Variants in RBFOX3 observed in about 807,000 individuals in gnomAD.
The protein encoded by RBFOX3 is RNA binding protein fox-1 homolog 3.
In RBFOX3, 17 loss-of-function variants were observed where a neutral mutation model predicts 48.7. That is an observed-to-expected ratio of 0.35 (90% confidence interval 0.24 to 0.52). RBFOX3 has a LOEUF of 0.52. RBFOX3 is among the 20% of genes least tolerant of loss of function. The pLI is 0.94. For synonymous variants in RBFOX3, 212 were observed against 209.5 expected, an observed-to-expected ratio of 1.01 and a Z score of -0.10; for missense variants, 382 against 497.5, an observed-to-expected ratio of 0.77 and a Z score of 2.21.
intron 4 of RBFOX3, among the ~76,000 whole-genome samples, chr17:79,139,224 CACAA>C (rs1349883929): frequency 6.6e-6 from 1 of 152,120 alleles, no homozygotes; most frequent in Non-Finnish European, 1.5e-5. Flanking sequence ...GCACCCTCCC[CACAA>C]ACACAGGGCC....
chr17:79,628,383 T>A, the RBFOX3 span, among the ~76,000 whole-genome samples: 1 of 152,132 alleles, frequency 6.6e-6, no homozygotes, highest in East Asian at 1.9e-4. Flanking sequence ...AGTTCTGATC[T>A]GAGATCTTAG....
rs2061278830 is a variant in RBFOX3 at position 79,390,699 on chromosome 17, A to G, written c.-174-82875T>C. Among the ~76,000 whole-genome samples the G allele has an allele frequency of 6.6e-6, 1 of 151,800 alleles. No homozygotes were observed. Among genetic ancestry groups the G allele is most frequent in the African/African-American group, 2.4e-5 (1 of 41,292 alleles). On this transcript the variant is annotated intron_variant, in intron 2 of 14. Transcript: ENST00000693108. This position sits in a 1 kb window ranked among gnomAD's most constrained non-coding sequence, Gnocchi z 4.2. The stretch of plus-strand genomic sequence containing the variant: ...GCCATGTTGGCCAGGCTGGTCTCGA[A>G]CTCCTTATCTCAGACAATCTGCCCG...
At chr17:79,589,052 T>C (rs1037214422) in intron 1 of RBFOX3, among the ~76,000 whole-genome samples, 25 of 151,972 alleles carry the variant, frequency 1.6e-4, no homozygotes, top group African/African-American at 5.5e-4. Context: ...CTGGGCCATA[T>C]AGTGAGACCC....
chr17:79,525,605 C>G lies in RBFOX3; in HGVS notation c.-319-43007G>C, dbSNP rs993918033. ...TCTGTAAAGTTTCTATAATCACATA[C>G]GTGTAATCAAATCAAAGCTATTAGG... On this transcript the variant is annotated intron_variant, in intron 1 of 14. Coordinates refer to ENST00000693108, the MANE Select transcript of RBFOX3 (RefSeq NM_001350451.2). Among the ~76,000 whole-genome samples, 70 of 152,292 alleles carry G rather than the reference C, an allele frequency of 4.6e-4. 1 individual carries two copies. In the Middle Eastern group the frequency reaches 0.01, roughly 22 times the overall value.
intron 2 of RBFOX3, among the ~76,000 whole-genome samples, chr17:79,467,709 C>T (rs1043683306): frequency 2.6e-5 from 4 of 152,186 alleles, no homozygotes; most frequent in Non-Finnish European, 5.9e-5. Flanking sequence ...ACGTGTGCCC[C>T]ACCTGCCTCC....
At chr17:79,625,518 T>C in the RBFOX3 span, among the ~76,000 whole-genome samples, 1 of 152,172 alleles carries the variant, frequency 6.6e-6, no homozygotes, top group Non-Finnish European at 1.5e-5. Context: ...GGGCCAGGCG[T>C]GGTGGCTCAC....
chr17:79,611,890 G>A (rs1299360206), upstream of RBFOX3, among the ~76,000 whole-genome samples: 1 of 152,194 alleles, frequency 6.6e-6, no homozygotes, highest in African/African-American at 2.4e-5. Flanking sequence ...GGTCAGCTTA[G>A]GATTTCCCTA....
At chr17:79,510,674 G>A (rs1555780676) in intron 1 of RBFOX3, among the ~76,000 whole-genome samples, 1 of 152,220 alleles carries the variant, frequency 6.6e-6, no homozygotes, top group African/African-American at 2.4e-5. Flanking sequence ...AACCACCAGT[G>A]CATCTTAAAC....
intron 4 of RBFOX3, among the ~76,000 whole-genome samples, chr17:79,190,408 T>A (rs1271460888): frequency 1.8e-5 from 1 of 56,728 alleles, no homozygotes; most frequent in African/African-American, 5.0e-5. Flanking sequence ...TAAATCTCTG[T>A]CTCACCAAAA....
chr17:79,092,221 C>T, intron 14 of RBFOX3: 1 of 985,506 alleles, frequency 1.0e-6, no homozygotes, highest in Non-Finnish European at 1.2e-6. Flanking sequence ...TGGCTCTTGC[C>T]CTCATAGGGC....
chr17:79,453,191 C>T (rs920872404), intron 2 of RBFOX3, among the ~76,000 whole-genome samples: 5 of 152,248 alleles, frequency 3.3e-5, no homozygotes, highest in Admixed American at 3.3e-4. Context: ...TATGCCGGAG[C>T]TGAAGAGTGC....
intron 4 of RBFOX3, among the ~76,000 whole-genome samples, chr17:79,152,657 G>T (rs962201315): frequency 5.3e-5 from 8 of 152,196 alleles, no homozygotes; most frequent in African/African-American, 1.9e-4. Context: ...CGGAAAAGGG[G>T]AAAGAGAGGG....
rs2046885819 is a variant in RBFOX3 at position 79,161,066 on chromosome 17, T to C, written c.-33-45318A>G. On this transcript the variant is annotated intron_variant, in intron 4 of 14. Coordinates refer to ENST00000693108, the MANE Select transcript of RBFOX3 (RefSeq NM_001350451.2). ...CACCCAGGCAAGGAAGATGTCTATC[T>C]GGTTTTTGCCCACCAGGAATTTGGA... Among the ~76,000 whole-genome samples the C allele has an allele frequency of 4.6e-5, 7 of 152,042 alleles. No homozygotes were observed. In the South Asian group the frequency reaches 1.4e-3, roughly 31 times the overall value.
intron 3 of RBFOX3, among the ~76,000 whole-genome samples, chr17:79,280,002 G>A (rs1383270998): frequency 6.6e-6 from 1 of 152,104 alleles, no homozygotes; most frequent in Admixed American, 6.5e-5. Flanking sequence ...GTAATGGGTA[G>A]TCCAGAGGAA....
intron 4 of RBFOX3, among the ~76,000 whole-genome samples, chr17:79,185,633 C>G (rs149158050): frequency 1.3e-5 from 2 of 152,158 alleles, no homozygotes; most frequent in African/African-American, 4.8e-5. Context: ...AGCATTCAGC[C>G]GAAACCCAGG....
chr17:79,551,391 G>A (rs2091129165), intron 1 of RBFOX3, among the ~76,000 whole-genome samples: 1 of 152,018 alleles, frequency 6.6e-6, no homozygotes, highest in Admixed American at 6.6e-5. Context: ...GTTGGAGGTG[G>A]GGCCTGGTGG....
chr17:79,461,389 G>C (rs2075348920), intron 2 of RBFOX3, among the ~76,000 whole-genome samples: 1 of 152,218 alleles, frequency 6.6e-6, no homozygotes, highest in African/African-American at 2.4e-5. Context: ...TTCTCCCTGG[G>C]ACAGTGAGTT....
At chr17:79,611,130 T>TCTCTCCCTCTCTCTCTCTCTCTCTCTC (rs1491548376), upstream of RBFOX3, among the ~76,000 whole-genome samples, 2 of 37,846 alleles carry the variant, frequency 5.3e-5, no homozygotes, top group Non-Finnish European at 8.5e-5. Flanking sequence ...TCCGCCCTCC[T>TCTCTCCCTCTCTCTCTCTCTCTCTCTC]TCTCTCTCTC....
chr17:79,197,395 T>C (rs2055846440), intron 4 of RBFOX3, among the ~76,000 whole-genome samples: 1 of 147,862 alleles, frequency 6.8e-6, no homozygotes, highest in Non-Finnish European at 1.5e-5. Context: ...TTTCTTTTTT[T>C]TTTTTTTTTT....
Sources: allele counts gnomAD v4.1 joint callset (sites outside exome capture counted in the v4.1 genomes callset), GRCh38; gene constraint gnomAD v4.1.1; non-coding constraint Gnocchi (gnomAD v3.1); transcripts MANE v1.5; gene names NCBI Gene and HGNC (gene_info 2026-07-23, HGNC 2026-07-21).